USP48: variants seen among roughly 807,000 people sequenced by gnomAD.
USP48 encodes ubiquitin carboxyl-terminal hydrolase 48.
USP48 carries 43 observed loss-of-function variants against 150.7 expected under a neutral mutation model. The observed-to-expected ratio is 0.29, with a 90% CI of 0.22 to 0.37. The LOEUF is 0.37. Among genes scored for constraint, USP48 ranks in the 10% least tolerant of loss-of-function variants. The pLI, the probability that USP48 is intolerant of heterozygous loss-of-function variation, is 1.00. For synonymous variants in USP48, 396 were observed against 425.9 expected, an observed-to-expected ratio of 0.93 and a Z score of 0.86; for missense variants, 813 against 1,249.6, an observed-to-expected ratio of 0.65 and a Z score of 5.27.
chr1:21,713,443 G>C (rs2097695881), intron 15 of USP48, among the ~76,000 whole-genome samples: 1 of 151,978 alleles, frequency 6.6e-6, no homozygotes, highest in Admixed American at 6.6e-5. Flanking sequence ...CTGGGGAGTG[G>C]AGTATGTGTC....
chr1:21,724,734 C>A (rs1310871000), intron 11 of USP48: 1 of 152,178 alleles, frequency 6.6e-6, no homozygotes, highest in Non-Finnish European at 1.5e-5. Flanking sequence ...AAGAAAGTAA[C>A]CTATTTTAAA....
chr1:21,729,662 T>C lies in USP48; in HGVS notation c.1300+42A>G, dbSNP rs775013636. 2.5e-6 allele frequency: 4 copies of C among 1,601,822 alleles called. No homozygotes were observed. In the East Asian group the frequency reaches 6.7e-5, roughly 27 times the overall value. On this transcript the variant is annotated intron_variant, in intron 10 of 26. Coordinates refer to ENST00000308271, the MANE Select transcript of USP48 (RefSeq NM_032236.8). ...TATCATTAATCTTTGAGTATGGCATTCTAAAACATTTGCCTGCTATAATCC... is the reference window on the plus strand; with the variant it reads ...TATCATTAATCTTTGAGTATGGCATCCTAAAACATTTGCCTGCTATAATCC...
intron 15 of USP48, among the ~76,000 whole-genome samples, chr1:21,707,108 G>A (rs2097674867): frequency 6.6e-6 from 1 of 150,824 alleles, no homozygotes; most frequent in South Asian, 2.1e-4. Flanking sequence ...GTCTGTGATT[G>A]AAAAAAAAAT....
At chr1:21,719,452 T>C (rs1182236074) in intron 14 of USP48, among the ~76,000 whole-genome samples, 1 of 151,824 alleles carries the variant, frequency 6.6e-6, no homozygotes, top group East Asian at 1.9e-4. Flanking sequence ...AAATATAATA[T>C]AAAGTGACAG....
intron 5 of USP48, among the ~76,000 whole-genome samples, chr1:21,751,861 T>C (rs564366491): frequency 2.0e-5 from 3 of 151,778 alleles, no homozygotes; most frequent in African/African-American, 7.2e-5. Context: ...CTACTAAAAA[T>C]ACAAAAATCA....
rs541611923 is a variant in USP48, at chr1:21,700,494, C to G, written c.2727+1004G>C. Among the ~76,000 whole-genome samples, 3 of 152,328 alleles carry G rather than the reference C, an allele frequency of 2.0e-5. No homozygotes were observed. The East Asian group carries it at 5.8e-4, about 29-fold the overall frequency. On this transcript the variant is annotated intron_variant, in intron 22 of 26. Transcript: ENST00000308271. ...AAAATGAAGTAACAGTATCAACATG[C>G]AGACAGGCCAACAAGCCCAGATACC... is the stretch of plus-strand genomic sequence containing the variant.
At chr1:21,714,513 T>C (rs2097699087) in intron 15 of USP48, among the ~76,000 whole-genome samples, 1 of 152,146 alleles carries the variant, frequency 6.6e-6, no homozygotes, top group Non-Finnish European at 1.5e-5. Context: ...TCCTCCTACC[T>C]GAGCCTTCCT....
Position 21,776,592 on chromosome 1 carries a change from CAAAAAAAA to C in USP48, c.134+6224_134+6231del, listed in dbSNP as rs59309344. ...GGAGAAAGTGAATAGTGTCTTGTCTCAAAAAAAAAAAAAAAAAAAAAAAAAAGAAGAAA... is the reference window on the plus strand; with the variant it reads ...GGAGAAAGTGAATAGTGTCTTGTCTCAAAAAAAAAAAAAAAAAAGAAGAAA... On this transcript the variant is annotated intron_variant, in intron 1 of 26. Coordinates refer to ENST00000308271, the MANE Select transcript of USP48 (RefSeq NM_032236.8). Among the ~76,000 whole-genome samples the C allele has an allele frequency of 2.6e-4, 15 of 58,014 alleles. No individual in the cohort carries two copies. In the East Asian group the frequency reaches 3.3e-3, roughly 13 times the overall value. 38.1% of individuals were successfully genotyped at this position (58,014 alleles called of 152,430 possible). A position where few individuals can be genotyped will look rare whatever the true frequency, so the allele number is the denominator to read the frequency against.
chr1:21,749,430 G>A (rs333191), intron 6 of USP48, among the ~76,000 whole-genome samples: 37 of 152,122 alleles, frequency 2.4e-4, no homozygotes, highest in African/African-American at 8.4e-4. Context: ...AACGTAACAT[G>A]CTCAAAGCCA....
At chr1:21,724,142 TTGACTAAGTGATAC>T in intron 11 of USP48, 47 bp from the exon 12 acceptor site, 1 of 1,576,956 alleles carries the variant, frequency 6.3e-7, no homozygotes, top group South Asian at 1.1e-5. Flanking sequence ...TTACAGTTTT[TTGACTAAGTGATAC>T]ATTCATTTTT....
At chr1:21,736,855 A>C (rs2097769862) in intron 8 of USP48, among the ~76,000 whole-genome samples, 1 of 152,194 alleles carries the variant, frequency 6.6e-6, no homozygotes, top group Admixed American at 6.5e-5. Flanking sequence ...GCCTCTGCAA[A>C]ATACACGGAT....
intron 8 of USP48, among the ~76,000 whole-genome samples, chr1:21,737,845 T>C (rs1342552709): frequency 6.6e-6 from 1 of 152,192 alleles, no homozygotes; most frequent in Non-Finnish European, 1.5e-5. Flanking sequence ...TGAGGGCCTT[T>C]ATAAGCAATA....
intron 1 of USP48, among the ~76,000 whole-genome samples, chr1:21,761,894 T>G (rs973711056): frequency 6.6e-6 from 1 of 152,194 alleles, no homozygotes; most frequent in African/African-American, 2.4e-5. Context: ...CCATCCACTG[T>G]GGGGAGAAGA....
intron 15 of USP48, among the ~76,000 whole-genome samples, chr1:21,708,626 G>A (rs2097680332): frequency 6.6e-6 from 1 of 151,994 alleles, no homozygotes; most frequent in Non-Finnish European, 1.5e-5. Flanking sequence ...GCTCACGCCT[G>A]TAATCCCAGC....
At chr1:21,686,538 A>G (rs2097580703) in intron 25 of USP48, 1 of 152,352 alleles carries the variant, frequency 6.6e-6, no homozygotes, top group Non-Finnish European at 1.5e-5. Context: ...TTGATCATAC[A>G]GAACCAGACT....
chr1:21,737,372 AC>A (rs2097771009), intron 8 of USP48, among the ~76,000 whole-genome samples: 1 of 152,230 alleles, frequency 6.6e-6, no homozygotes, highest in Admixed American at 6.5e-5. Context: ...CTAGAATGAT[AC>A]TGCACTCAGA....
chr1:21,780,310 G>A lies in USP48; in HGVS notation c.134+2514C>T, dbSNP rs1289349839. ...AGTGAAACCAGACACAAATGGCCACGTACTGTATAATTCCATTGCTATGAA... is the reference window on the plus strand; with the variant it reads ...AGTGAAACCAGACACAAATGGCCACATACTGTATAATTCCATTGCTATGAA... On this transcript the variant is annotated intron_variant, in intron 1 of 26. Transcript: ENST00000308271. Among the ~76,000 whole-genome samples, 11 of 152,272 alleles carry A rather than the reference G, an allele frequency of 7.2e-5. No individual in the cohort carries two copies. In the South Asian group the frequency reaches 1.0e-3, roughly 14 times the overall value.
chr1:21,749,219 T>C (rs985598877), intron 6 of USP48, among the ~76,000 whole-genome samples: 1 of 152,118 alleles, frequency 6.6e-6, no homozygotes, highest in Non-Finnish European at 1.5e-5. Context: ...GGTACCATCA[T>C]CTCTTCACTT....
At chr1:21,717,009 C>G (rs1284331744) in intron 14 of USP48, among the ~76,000 whole-genome samples, 2 of 151,870 alleles carry the variant, frequency 1.3e-5, no homozygotes, top group Non-Finnish European at 2.9e-5. Flanking sequence ...GAGCGAGACT[C>G]CGTCTCAAAA....
Sources: allele counts gnomAD v4.1 joint callset (sites outside exome capture counted in the v4.1 genomes callset), GRCh38; gene constraint gnomAD v4.1.1; transcripts MANE v1.5; gene names NCBI Gene and HGNC (gene_info 2026-07-23, HGNC 2026-07-21).